The following UNC5D variants were observed in gnomAD, a reference collection of about 807,000 sequenced individuals.
UNC5D encodes the protein netrin receptor UNC5D.
UNC5D carries 39 observed loss-of-function variants against 105.4 expected under a neutral mutation model. That is an observed-to-expected ratio of 0.37 (90% CI 0.29 to 0.48). The LOEUF (loss-of-function observed/expected upper bound fraction) is 0.48, where lower values mean the gene tolerates loss of function less well. Ranked by LOEUF, UNC5D falls within the 20% of genes least tolerant of loss-of-function variation. The pLI is 0.98. For synonymous variants in UNC5D, 452 were observed against 450.4 expected (o/e 1.00, Z -0.04); for missense variants, 991 against 1,202.4 (o/e 0.82, Z 2.60).
At chr8:35,710,764 T>C (rs540510944) in intron 8 of UNC5D, among the ~76,000 whole-genome samples, 2 of 152,176 alleles carry the variant, frequency 1.3e-5, no homozygotes, top group East Asian at 3.9e-4. Flanking sequence ...GAAAATGGTG[T>C]CCCAGAAGAA....
chr8:35,766,821 T>G (rs1801790500), intron 14 of UNC5D, 81 bp from the exon 15 acceptor site: 2 of 1,414,320 alleles, frequency 1.4e-6, no homozygotes, highest in African/African-American at 2.9e-5. Context: ...ATCATCATCA[T>G]CATCACTATT....
chr8:35,382,039 A>T (rs533009291), intron 1 of UNC5D, among the ~76,000 whole-genome samples: 49 of 152,334 alleles, frequency 3.2e-4, no homozygotes, highest in South Asian at 3.1e-3. Context: ...TAAAGAACAC[A>T]TTTGCCTTTT....
intron 4 of UNC5D, among the ~76,000 whole-genome samples, chr8:35,605,723 A>G (rs756537593): frequency 2.6e-5 from 4 of 152,294 alleles, no homozygotes; most frequent in African/African-American, 7.2e-5. Flanking sequence ...TATTAACTCA[A>G]TCACTAGTTC....
intron 4 of UNC5D, among the ~76,000 whole-genome samples, chr8:35,653,262 T>C (rs1414257558): frequency 1.3e-5 from 2 of 152,124 alleles, no homozygotes; most frequent in African/African-American, 4.8e-5. Flanking sequence ...TTGGGATTCA[T>C]TGGCCTTCTT....
intron 3 of UNC5D, among the ~76,000 whole-genome samples, chr8:35,582,929 C>T (rs1410821591): frequency 2.0e-5 from 3 of 152,162 alleles, no homozygotes; most frequent in African/African-American, 7.2e-5. Flanking sequence ...AAAACTTTGT[C>T]CCTTCAACCA....
chr8:35,533,525 G>C (rs1814573777), intron 1 of UNC5D, among the ~76,000 whole-genome samples: 1 of 152,202 alleles, frequency 6.6e-6, no homozygotes, highest in South Asian at 2.1e-4. Flanking sequence ...GCCCCCAGAG[G>C]TGGAGCCTAC....
intron 1 of UNC5D, among the ~76,000 whole-genome samples, chr8:35,328,966 C>T (rs995337621): frequency 1.8e-4 from 27 of 152,180 alleles, no homozygotes; most frequent in Non-Finnish European, 2.5e-4. Context: ...TTAAAACACA[C>T]ACTCCTGCAT....
At chr8:35,397,383 A>C (rs2128946828) in intron 1 of UNC5D, among the ~76,000 whole-genome samples, 1 of 152,332 alleles carries the variant, frequency 6.6e-6, no homozygotes, top group Middle Eastern at 3.4e-3. Flanking sequence ...ACCTTCACAA[A>C]ATACAAGTTC....
intron 7 of UNC5D, among the ~76,000 whole-genome samples, chr8:35,705,684 T>C (rs1827528038): frequency 6.6e-6 from 1 of 152,080 alleles, no homozygotes; most frequent in African/African-American, 2.4e-5. Flanking sequence ...GAAATGCTAG[T>C]AAACCCACAA....
chr8:35,384,105 G>A (rs781423861), intron 1 of UNC5D, among the ~76,000 whole-genome samples: 1 of 151,632 alleles, frequency 6.6e-6, no homozygotes, highest in East Asian at 2.0e-4. Context: ...AGTCCCAGCT[G>A]CTGGGGAGGC....
chr8:35,457,186 T>G (rs1808555192), intron 1 of UNC5D, among the ~76,000 whole-genome samples: 1 of 152,242 alleles, frequency 6.6e-6, no homozygotes, highest in Admixed American at 6.5e-5. Context: ...TCTCTTTCTT[T>G]TTTTATGTCA....
intron 1 of UNC5D, among the ~76,000 whole-genome samples, chr8:35,248,818 TATA>T (rs1181530492): frequency 1.0e-5 from 1 of 96,972 alleles, no homozygotes; most frequent in Non-Finnish European, 1.8e-5. Flanking sequence ...ATATAATATA[TATA>T]ATATTTATAT....
At chr8:35,424,328 A>G (rs1806107649) in intron 1 of UNC5D, among the ~76,000 whole-genome samples, 2 of 152,210 alleles carry the variant, frequency 1.3e-5, no homozygotes, top group Admixed American at 1.3e-4. Context: ...TATATGCAAA[A>G]TATCATTTCA....
chr8:35,455,843 A>C (rs1205528019), intron 1 of UNC5D, among the ~76,000 whole-genome samples: 1 of 152,044 alleles, frequency 6.6e-6, no homozygotes, highest in Non-Finnish European at 1.5e-5. Context: ...ACTCACTACC[A>C]CAAGAACAAT....
At chr8:35,459,393 G>A (rs530916404) in intron 1 of UNC5D, among the ~76,000 whole-genome samples, 1 of 152,142 alleles carries the variant, frequency 6.6e-6, no homozygotes, top group African/African-American at 2.4e-5. Context: ...AAAATTTTTG[G>A]CCCCATTTTT....
intron 2 of UNC5D, among the ~76,000 whole-genome samples, chr8:35,562,388 T>C (rs935896239): frequency 6.6e-6 from 1 of 152,154 alleles, no homozygotes; most frequent in African/African-American, 2.4e-5. Context: ...GATATATTTT[T>C]AGTTTTTCAA....
chr8:35,407,278 C>G (rs1042218593), intron 1 of UNC5D, among the ~76,000 whole-genome samples: 1 of 151,768 alleles, frequency 6.6e-6, no homozygotes, highest in African/African-American at 2.4e-5. Context: ...ACTTGCCTAA[C>G]GATGCATTTC....
At chr8:35,385,175 C>T (rs564016341) in intron 1 of UNC5D, among the ~76,000 whole-genome samples, 26 of 152,260 alleles carry the variant, frequency 1.7e-4, no homozygotes, top group African/African-American at 5.5e-4. Flanking sequence ...TGATCTCACC[C>T]ATCCCTTTAC....
At chr8:35,369,498 T>C (rs1317849389) in intron 1 of UNC5D, among the ~76,000 whole-genome samples, 1 of 152,214 alleles carries the variant, frequency 6.6e-6, no homozygotes, top group Non-Finnish European at 1.5e-5. Context: ...GAATGCTTCT[T>C]GCCTCTGTCA....
Sources: gnomAD v4.1 joint callset for allele counts (sites outside exome capture counted in the v4.1 genomes callset) on GRCh38, gnomAD v4.1.1 for gene constraint, MANE v1.5 for transcripts, NCBI Gene and HGNC (gene_info 2026-07-23, HGNC 2026-07-21) for gene names.